DGKI: variants seen among roughly 807,000 people sequenced by gnomAD.
DGKI encodes the protein DAG kinase iota.
DGKI carries 55 observed loss-of-function variants against 147.5 expected under a neutral mutation model. The observed-to-expected ratio is 0.37, with a 90% CI of 0.30 to 0.47. The LOEUF is 0.47. DGKI is among the 20% of genes least tolerant of loss of function. The probability of loss-of-function intolerance (pLI) is 1.00; values close to 1 mark genes in which losing one functional copy is unlikely to be tolerated. For missense variants in DGKI, 1,007 were observed against 1,323.8 expected (o/e 0.76, Z 3.71); for synonymous variants, 469 against 477.1 (o/e 0.98, Z 0.22).
Position 137,740,170 on chromosome 7 carries a change from A to G in DGKI, c.402-50168T>C, listed in dbSNP as rs201284011. Among the ~76,000 whole-genome samples the G allele has an allele frequency of 2.6e-4, 40 of 152,328 alleles. No individual in the cohort carries two copies. In the East Asian group the frequency reaches 7.1e-3, roughly 27 times the overall value. On this transcript the variant is annotated intron_variant, in intron 1 of 32. Coordinates refer to ENST00000614521, the MANE Select transcript of DGKI (RefSeq NM_001321708.2). ...TTGAAGCACAAATTCCATTTATGCA[A>G]CCTTGAAGAGATACATACATGCAGA...
At chr7:137,562,392 C>T (rs1646399) in intron 19 of DGKI, among the ~76,000 whole-genome samples, 7,840 of 152,142 alleles carry the variant, frequency 0.052, 516 homozygotes, top group African/African-American at 0.13. Flanking sequence ...AAAAATTAGC[C>T]GGCCCTTGTG....
intron 15 of DGKI, among the ~76,000 whole-genome samples, chr7:137,580,226 T>C (rs948759770): frequency 1.3e-5 from 2 of 152,074 alleles, no homozygotes; most frequent in African/African-American, 4.8e-5. Context: ...TTTGGGGTAT[T>C]TTATTAAGAA....
chr7:137,603,822 C>T (rs977240789), intron 10 of DGKI, among the ~76,000 whole-genome samples: 2 of 152,214 alleles, frequency 1.3e-5, no homozygotes, highest in Non-Finnish European at 2.9e-5. Flanking sequence ...GAAAAAGCTA[C>T]ATTCTGTTCA....
At chr7:137,711,803 C>T (rs1405864832) in intron 1 of DGKI, among the ~76,000 whole-genome samples, 1 of 149,742 alleles carries the variant, frequency 6.7e-6, no homozygotes, top group African/African-American at 2.5e-5. Context: ...AAGCGATTCT[C>T]CTGCCTCAGC....
At chr7:137,834,069 T>A (rs942405982) in intron 1 of DGKI, among the ~76,000 whole-genome samples, 5 of 152,220 alleles carry the variant, frequency 3.3e-5, no homozygotes, top group African/African-American at 1.2e-4. Flanking sequence ...TAAAAGCATC[T>A]ACCTTATAAA....
rs573914451 is a variant in DGKI at position 137,483,281 on chromosome 7, G to GC, written c.2373+2092dup. ...AAATAAAAGTAGTTTCATAAACCTA[G>GC]CTAGGATAAATCTAACATATTTTGA... On this transcript the variant is annotated intron_variant, in intron 23 of 32. Coordinates refer to ENST00000614521, the MANE Select transcript of DGKI (RefSeq NM_001321708.2). Among the ~76,000 whole-genome samples the GC allele has an allele frequency of 2.1e-3, 313 of 152,158 alleles. 1 individual carries two copies. The highest frequency in any genetic ancestry group is 7.2e-3 in the African/African-American group (300 of 41,524).
intron 1 of DGKI, among the ~76,000 whole-genome samples, chr7:137,707,785 A>C (rs1248610050): frequency 6.6e-6 from 1 of 152,196 alleles, no homozygotes; most frequent in African/African-American, 2.4e-5. Flanking sequence ...TTTATAAATT[A>C]CCCAGTCTCA....
intron 28 of DGKI, among the ~76,000 whole-genome samples, chr7:137,439,126 A>C (rs553514010): frequency 6.6e-6 from 1 of 152,334 alleles, no homozygotes; most frequent in South Asian, 2.1e-4. Flanking sequence ...AGTACACAGT[A>C]GTTCGTTTTG....
At chr7:137,425,858 A>G (rs950563238) in intron 28 of DGKI, among the ~76,000 whole-genome samples, 3 of 152,130 alleles carry the variant, frequency 2.0e-5, no homozygotes, top group African/African-American at 7.2e-5. Flanking sequence ...AAAAAAGAAT[A>G]AAAAGAAATG....
At chr7:137,799,371 T>C (rs912190403) in intron 1 of DGKI, among the ~76,000 whole-genome samples, 1 of 152,152 alleles carries the variant, frequency 6.6e-6, no homozygotes, top group Non-Finnish European at 1.5e-5. Flanking sequence ...AAGTGACTAT[T>C]AATGGGTACA....
rs2128890151 is a variant in DGKI at position 137,385,287 on chromosome 7, G to C, written c.*5933C>G. On this transcript the variant is annotated 3_prime_UTR_variant, in exon 33 of 33. Transcript: ENST00000614521. Reference sequence around the variant, plus strand: ...ATGATAACTAACGGCCATTCCCCTAGATATTTTTAAAATTCTCAGTTATAA... The same window carrying C: ...ATGATAACTAACGGCCATTCCCCTACATATTTTTAAAATTCTCAGTTATAA... The C allele has an allele frequency of 6.6e-6, 1 of 151,968 alleles. No individual in the cohort carries two copies. Among genetic ancestry groups the C allele is most frequent in the East Asian group, 1.9e-4 (1 of 5,182 alleles). The allele number at this position is 151,968 out of a possible 1,614,324, so 9.4% of individuals were successfully genotyped here.
At chr7:137,705,138 T>C (rs1793970391) in intron 1 of DGKI, among the ~76,000 whole-genome samples, 2 of 152,136 alleles carry the variant, frequency 1.3e-5, no homozygotes, top group Admixed American at 6.6e-5. Context: ...ACAAGAACTC[T>C]CATATATTGT....
At chr7:137,776,256 G>A (rs546019291) in intron 1 of DGKI, among the ~76,000 whole-genome samples, 178 of 152,270 alleles carry the variant, frequency 1.2e-3, no homozygotes, top group Middle Eastern at 3.4e-3. Flanking sequence ...AATCATGGTT[G>A]ATACAGGGAC....
intron 19 of DGKI, among the ~76,000 whole-genome samples, chr7:137,560,111 T>C (rs1194243045): frequency 6.6e-6 from 1 of 151,998 alleles, no homozygotes; most frequent in Non-Finnish European, 1.5e-5. Flanking sequence ...ATACGATGTA[T>C]CATCCACTAG....
chr7:137,696,465 C>A (rs879687577), intron 1 of DGKI, among the ~76,000 whole-genome samples: 2 of 33,788 alleles, frequency 5.9e-5, no homozygotes, highest in Non-Finnish European at 1.1e-4. Context: ...TTTTTTTTTG[C>A]TTAATGTGTA....
At chr7:137,400,271 GCCACT>G (rs1388450787) in intron 30 of DGKI, among the ~76,000 whole-genome samples, 1 of 152,154 alleles carries the variant, frequency 6.6e-6, no homozygotes, top group Non-Finnish European at 1.5e-5. Flanking sequence ...AACATTCTAA[GCCACT>G]CCTTTTGGAA....
chr7:137,427,143 G>C (rs1345668884), intron 28 of DGKI, among the ~76,000 whole-genome samples: 2 of 151,918 alleles, frequency 1.3e-5, no homozygotes, highest in African/African-American at 4.8e-5. Flanking sequence ...TGACCACATA[G>C]TTGGAAGTAA....
rs183577486 is a variant in DGKI at position 137,695,475 on chromosome 7, G to A, written c.402-5473C>T. ...CACTGAATCTTTTTACATATTTTAC[G>A]TATCCCTCACAATAATAAGGTATGA... On this transcript the variant is annotated intron_variant, in intron 1 of 32. Transcript: ENST00000614521. 5.8e-3 allele frequency among the ~76,000 whole-genome samples: 878 copies of A among 152,140 alleles called. 12 individuals carry two copies. Among genetic ancestry groups the A allele is most frequent in the Non-Finnish European group, 6.2e-3 (420 of 67,986 alleles).
At chr7:137,810,137 T>A (rs1797518003) in intron 1 of DGKI, among the ~76,000 whole-genome samples, 1 of 152,192 alleles carries the variant, frequency 6.6e-6, no homozygotes, top group South Asian at 2.1e-4. Context: ...CTACCTCTCA[T>A]CAGGGCAGCC....
Sources: gnomAD v4.1 joint callset for allele counts (sites outside exome capture counted in the v4.1 genomes callset) on GRCh38, gnomAD v4.1.1 for gene constraint, MANE v1.5 for transcripts, NCBI Gene and HGNC (gene_info 2026-07-23, HGNC 2026-07-21) for gene names.